The following GPC6 variants were observed in gnomAD, a reference collection of about 807,000 sequenced individuals.
The protein encoded by GPC6 is glypican-6.
A neutral mutation model predicts 55.2 loss-of-function variants in GPC6; 14 were observed. The ratio of observed to expected loss-of-function variants is 0.25; its 90% CI spans 0.17 to 0.40. GPC6 has a LOEUF of 0.40. Among genes scored for constraint, GPC6 ranks in the 10% least tolerant of loss-of-function variants. GPC6 has a pLI of 1.00. For missense variants in GPC6, 641 were observed against 708.5 expected (o/e 0.90, Z 1.08); for synonymous variants, 278 against 259.6 (o/e 1.07, Z -0.68).
At chr13:94,067,415 A>T (rs1284890016) in intron 4 of GPC6, among the ~76,000 whole-genome samples, 1 of 152,050 alleles carries the variant, frequency 6.6e-6, no homozygotes, top group East Asian at 1.9e-4. Context: ...TCTTTTTATT[A>T]TGCCGTATTC....
At chr13:93,610,252 G>A (rs1878408258) in intron 2 of GPC6, among the ~76,000 whole-genome samples, 1 of 152,166 alleles carries the variant, frequency 6.6e-6, no homozygotes, top group Non-Finnish European at 1.5e-5. Flanking sequence ...AAAGAAGCTA[G>A]AAGTTGTTTT....
chr13:94,101,906 G>A (rs1465375036), intron 4 of GPC6, among the ~76,000 whole-genome samples: 1 of 151,878 alleles, frequency 6.6e-6, no homozygotes, highest in African/African-American at 2.4e-5. Flanking sequence ...GCAAAACACT[G>A]TGAGTTGTTT....
rs1483725053 is a variant in GPC6 at position 93,876,837 on chromosome 13, C to T, written c.711+46292C>T. 3.3e-5 allele frequency among the ~76,000 whole-genome samples: 5 copies of T among 151,998 alleles called. No individual in the cohort carries two copies. In the South Asian group the frequency reaches 6.2e-4, roughly 19 times the overall value. On this transcript the variant is annotated intron_variant, in intron 3 of 8. Coordinates refer to ENST00000377047, the MANE Select transcript of GPC6 (RefSeq NM_005708.5). ...AAAATGACGGGCTCATTTAATATTG[C>T]ACATGGTTTTCACAAGTTGATCCTG...
chr13:93,753,546 C>A (rs888020199), intron 2 of GPC6, among the ~76,000 whole-genome samples: 1 of 152,072 alleles, frequency 6.6e-6, no homozygotes, highest in East Asian at 1.9e-4. Context: ...ATGAAGAATG[C>A]GGTATCCATC....
chr13:94,041,988 A>G (rs1243182773), intron 4 of GPC6, among the ~76,000 whole-genome samples: 1 of 151,838 alleles, frequency 6.6e-6, no homozygotes, highest in Non-Finnish European at 1.5e-5. Context: ...CTCATGTTCA[A>G]TTATAATCCC....
At chr13:93,270,009 T>A (rs1877464028) in intron 1 of GPC6, among the ~76,000 whole-genome samples, 1 of 150,712 alleles carries the variant, frequency 6.6e-6, no homozygotes, top group Admixed American at 6.6e-5. Flanking sequence ...TTGCCTGGAG[T>A]CCCAGTCTTT....
At chr13:93,616,979 T>C (rs1487888770) in intron 2 of GPC6, among the ~76,000 whole-genome samples, 1 of 152,114 alleles carries the variant, frequency 6.6e-6, no homozygotes, top group African/African-American at 2.4e-5. Context: ...GGATTGAATG[T>C]TTTAACCTCC....
intron 5 of GPC6, among the ~76,000 whole-genome samples, chr13:94,300,314 A>G (rs1472379797): frequency 2.6e-5 from 4 of 152,240 alleles, no homozygotes; most frequent in African/African-American, 9.6e-5. Context: ...TGTGCCTCCA[A>G]AAGAGTGGGC....
intron 4 of GPC6, among the ~76,000 whole-genome samples, chr13:94,091,551 G>A (rs540750499): frequency 1.8e-4 from 27 of 152,216 alleles, no homozygotes; most frequent in Non-Finnish European, 3.4e-4. Context: ...AGTTCTGCAA[G>A]AAACCACACA....
At chr13:94,354,849 A>G (rs980098509) in intron 6 of GPC6, among the ~76,000 whole-genome samples, 2 of 152,242 alleles carry the variant, frequency 1.3e-5, no homozygotes, top group Admixed American at 6.5e-5. Flanking sequence ...TGCTGTGATG[A>G]TGATGGTGGT....
rs369523821 is a variant in GPC6 at position 93,415,192 on chromosome 13, T to G, written c.161-130071T>G. Reference sequence around the variant, plus strand: ...ACAGTGGGGATTATAATGATTGTACTTAGTTCATGGGATTGTTCTGAGGAT... The same window carrying G: ...ACAGTGGGGATTATAATGATTGTACGTAGTTCATGGGATTGTTCTGAGGAT... On this transcript the variant is annotated intron_variant, in intron 1 of 8. Transcript: ENST00000377047. Among the ~76,000 whole-genome samples, 22 of 152,256 alleles carry G rather than the reference T, an allele frequency of 1.4e-4. No individual in the cohort carries two copies. In the South Asian group the frequency reaches 4.6e-3, roughly 32 times the overall value.
At chr13:93,337,183 T>C (rs1038379718) in intron 1 of GPC6, among the ~76,000 whole-genome samples, 8 of 152,148 alleles carry the variant, frequency 5.3e-5, no homozygotes, top group African/African-American at 1.9e-4. Context: ...AGAAGTAAAA[T>C]AGATATACCT....
At chr13:93,662,303 G>T (rs1285455921) in intron 2 of GPC6, among the ~76,000 whole-genome samples, 9 of 152,270 alleles carry the variant, frequency 5.9e-5, no homozygotes, top group Non-Finnish European at 8.8e-5. Context: ...AAGGTAGGGA[G>T]CGGGGAGGAA....
intron 2 of GPC6, among the ~76,000 whole-genome samples, chr13:93,739,251 A>C (rs572933103): frequency 2.0e-4 from 31 of 152,230 alleles, no homozygotes; most frequent in African/African-American, 7.0e-4. Flanking sequence ...TAAGAGAAGA[A>C]AACTAGTTAG....
At chr13:94,165,252 A>G (rs891160956) in intron 4 of GPC6, among the ~76,000 whole-genome samples, 5 of 147,130 alleles carry the variant, frequency 3.4e-5, no homozygotes, top group African/African-American at 1.3e-4. Context: ...ATGTATACAT[A>G]TATGTATACA....
intron 4 of GPC6, among the ~76,000 whole-genome samples, chr13:94,087,444 C>T (rs575299504): frequency 6.6e-6 from 1 of 152,328 alleles, no homozygotes; most frequent in East Asian, 1.9e-4. Flanking sequence ...AGAACAGAAG[C>T]ACTACCACAC....
chr13:93,583,317 T>C (rs914893056), intron 2 of GPC6, among the ~76,000 whole-genome samples: 21 of 149,090 alleles, frequency 1.4e-4, no homozygotes, highest in African/African-American at 5.2e-4. Context: ...GGTTCTGAAT[T>C]TGTTTTAAAA....
At chr13:94,141,231 C>T (rs543455606) in intron 4 of GPC6, among the ~76,000 whole-genome samples, 5 of 152,108 alleles carry the variant, frequency 3.3e-5, no homozygotes, top group African/African-American at 9.6e-5. Flanking sequence ...TATCTTGAAG[C>T]GGGGGCTTAT....
intron 3 of GPC6, among the ~76,000 whole-genome samples, chr13:93,887,110 T>A (rs1360029067): frequency 6.6e-6 from 1 of 152,034 alleles, no homozygotes; most frequent in Non-Finnish European, 1.5e-5. Context: ...ACATATGCAG[T>A]CATATTTTAA....
Sources: allele counts gnomAD v4.1 joint callset (sites outside exome capture counted in the v4.1 genomes callset), GRCh38; gene constraint gnomAD v4.1.1; transcripts MANE v1.5; gene names NCBI Gene and HGNC (gene_info 2026-07-23, HGNC 2026-07-21).